Variants in KREMEN1 observed in about 807,000 individuals in gnomAD.
KREMEN1 encodes kremen protein 1.
A neutral mutation model predicts 46.5 loss-of-function variants in KREMEN1; 30 were observed. The ratio of observed to expected loss-of-function variants is 0.65; its 90% CI spans 0.48 to 0.88. The LOEUF is 0.88. Ranked by LOEUF, KREMEN1 falls within the 40% of genes least tolerant of loss-of-function variation. The pLI is 0.00. For synonymous variants in KREMEN1, 214 were observed against 230.6 expected, an observed-to-expected ratio of 0.93 and a Z score of 0.65; for missense variants, 533 against 596.9, an observed-to-expected ratio of 0.89 and a Z score of 1.11.
chr22:29,155,144 A>G (rs1421264389), intron 9 of KREMEN1, among the ~76,000 whole-genome samples: 1 of 151,960 alleles, frequency 6.6e-6, no homozygotes, highest in Non-Finnish European at 1.5e-5. Context: ...AAAAAGAGGG[A>G]GGGAAATATA....
At position 29,091,220 on chromosome 22, in the gene KREMEN1, G is replaced by C. The variant is rs566663671; in HGVS notation, c.98-3038G>C. On this transcript the variant is annotated intron_variant, in intron 1 of 8. Transcript: ENST00000400335. The stretch of plus-strand genomic sequence containing the variant: ...ACTCCTGACCTCAGGTGATCCGCTC[G>C]CCTCGGCCTCCCAAAGTGCTGGGAT... Among the ~76,000 whole-genome samples, 64 of 152,266 alleles carry C rather than the reference G, an allele frequency of 4.2e-4. 2 individuals carry two copies. The South Asian group carries it at 0.013, about 31-fold the overall frequency.
At chr22:29,131,596 ATATG>A (rs1280014180) in intron 5 of KREMEN1, among the ~76,000 whole-genome samples, 1 of 120,498 alleles carries the variant, frequency 8.3e-6, no homozygotes, top group African/African-American at 3.9e-5. Context: ...GTGTGTGTGT[ATATG>A]TATATATGTG....
intron 4 of KREMEN1, among the ~76,000 whole-genome samples, chr22:29,124,414 A>G (rs1237392286): frequency 6.6e-6 from 1 of 152,188 alleles, no homozygotes; most frequent in Non-Finnish European, 1.5e-5. Flanking sequence ...GAGGGGGCCT[A>G]TAAAGCAATA....
chr22:29,117,567 CA>C (rs35241450), intron 3 of KREMEN1, among the ~76,000 whole-genome samples: 51,248 of 135,742 alleles, frequency 0.38, 10,232 homozygotes, highest in East Asian at 0.65. Context: ...ACTCCGTCTC[CA>C]AAAAAAAAAA....
chr22:29,083,035 G>C (rs984073338), intron 1 of KREMEN1, among the ~76,000 whole-genome samples: 2 of 152,104 alleles, frequency 1.3e-5, no homozygotes, highest in Admixed American at 6.5e-5. Flanking sequence ...CCAGCCTCCC[G>C]AGTAGCTGGG....
At chr22:29,115,559 C>G (rs1232640602) in intron 3 of KREMEN1, among the ~76,000 whole-genome samples, 1 of 152,194 alleles carries the variant, frequency 6.6e-6, no homozygotes, top group Non-Finnish European at 1.5e-5. Context: ...GGGACCACTC[C>G]AGGCCCTGGG....
intron 1 of KREMEN1, among the ~76,000 whole-genome samples, chr22:29,091,482 A>C (rs897040062): frequency 1.3e-5 from 2 of 152,230 alleles, no homozygotes; most frequent in Non-Finnish European, 2.9e-5. Context: ...TTTAAGGGGT[A>C]CAGTATGATG....
chr22:29,077,591 A>C (rs1195714770), intron 1 of KREMEN1, among the ~76,000 whole-genome samples: 7 of 152,228 alleles, frequency 4.6e-5, no homozygotes, highest in Non-Finnish European at 2.9e-5. Flanking sequence ...TTATGTTAAC[A>C]AAATATTGTT....
intron 3 of KREMEN1, among the ~76,000 whole-genome samples, chr22:29,106,686 G>A (rs146297088): frequency 8.5e-5 from 13 of 152,262 alleles, no homozygotes; most frequent in African/African-American, 3.1e-4. Flanking sequence ...TAGCACTTGA[G>A]AACAGTCCCA....
At chr22:29,086,914 T>TTTTTAA (rs933963508) in intron 1 of KREMEN1, among the ~76,000 whole-genome samples, 17 of 152,116 alleles carry the variant, frequency 1.1e-4, no homozygotes, top group Admixed American at 5.9e-4. Flanking sequence ...ACCCAGCAAA[T>TTTTTAA]TTTTAATTTT....
chr22:29,131,523 CATATATATATATATATATATATATATAT>C (rs148738725), intron 5 of KREMEN1, among the ~76,000 whole-genome samples: 26 of 93,724 alleles, frequency 2.8e-4, no homozygotes, highest in Non-Finnish European at 4.4e-4. Context: ...GTATTCTGTT[CATATATATATATATATATATATATATAT>C]ATATATATAT....
Position 29,143,428 on chromosome 22 carries a change from TC to T in KREMEN1, c.*1321del. On this transcript the variant is annotated 3_prime_UTR_variant, in exon 9 of 9. Transcript: ENST00000400335. ...GGGCCTGTGGTCCTTCCTTCTGGTG[TC>T]CCCCGTGTTAAAAGATAAAAAACAC... 1.0e-6 allele frequency: 1 copy of T among 985,162 alleles called. No individual in the cohort carries two copies. The highest frequency in any genetic ancestry group is 1.2e-6 in the Non-Finnish European group (1 of 829,918). The allele number at this position is 985,162 out of a possible 1,614,324, so 61.0% of individuals were successfully genotyped here.
At chr22:29,094,011 T>C (rs1330314953) in intron 1 of KREMEN1, among the ~76,000 whole-genome samples, 2 of 152,206 alleles carry the variant, frequency 1.3e-5, no homozygotes, top group East Asian at 3.8e-4. Context: ...AGTTGGGATC[T>C]GTATACTTTA....
intron 1 of KREMEN1, 23 bp from the exon 2 acceptor site, chr22:29,094,235 G>T (rs754560402): frequency 3.2e-6 from 5 of 1,585,694 alleles, no homozygotes; most frequent in East Asian, 2.3e-5. Context: ...AAATTAGTTT[G>T]CTCTGTCTTT....
intron 2 of KREMEN1, among the ~76,000 whole-genome samples, chr22:29,095,283 A>G (rs2037867581): frequency 6.6e-6 from 1 of 152,194 alleles, no homozygotes; most frequent in African/African-American, 2.4e-5. Context: ...TGACTCTAGC[A>G]GGGGATCTTA....
intron 9 of KREMEN1, among the ~76,000 whole-genome samples, chr22:29,161,312 C>T (rs1288679220): frequency 2.0e-5 from 3 of 151,544 alleles, no homozygotes; most frequent in Non-Finnish European, 2.9e-5. Context: ...TCGAGACCAT[C>T]CTGGCTAACA....
At chr22:29,157,291 C>T (rs1323255597) in intron 9 of KREMEN1, among the ~76,000 whole-genome samples, 1 of 152,106 alleles carries the variant, frequency 6.6e-6, no homozygotes, top group Non-Finnish European at 1.5e-5. Context: ...GTGGGGGAGC[C>T]GAGGCCCAGA....
At chr22:29,135,806 G>A (rs60160703) in intron 5 of KREMEN1, among the ~76,000 whole-genome samples, 8,095 of 152,198 alleles carry the variant, frequency 0.053, 759 homozygotes, top group African/African-American at 0.19. Context: ...AACTGTTTGT[G>A]TGGCCTGACT....
At chr22:29,094,796 C>T (rs1326544245) in intron 2 of KREMEN1, among the ~76,000 whole-genome samples, 4 of 151,900 alleles carry the variant, frequency 2.6e-5, no homozygotes, top group African/African-American at 7.2e-5. Flanking sequence ...GCTAATTTTT[C>T]GTGTTTTTAG....
Sources: gnomAD v4.1 joint callset for allele counts (sites outside exome capture counted in the v4.1 genomes callset) on GRCh38, gnomAD v4.1.1 for gene constraint, MANE v1.5 for transcripts, NCBI Gene and HGNC (gene_info 2026-07-23, HGNC 2026-07-21) for gene names.